The following PTGFR variants were observed in gnomAD, a reference collection of about 807,000 sequenced individuals.
PTGFR encodes prostaglandin F receptor.
PTGFR carries 15 observed loss-of-function variants against 26.2 expected under a neutral mutation model. The ratio of observed to expected loss-of-function variants is 0.57; its 90% confidence interval spans 0.38 to 0.88. PTGFR has a LOEUF of 0.88. Ranked by LOEUF, PTGFR falls within the 40% of genes least tolerant of loss-of-function variation. The pLI is 0.00. For missense variants in PTGFR, 369 were observed against 427.2 expected, an observed-to-expected ratio of 0.86 and a Z score of 1.20; for synonymous variants, 165 against 151.1, an observed-to-expected ratio of 1.09 and a Z score of -0.68.
At chr1:78,512,130 G>A (rs1369286858) in intron 2 of PTGFR, among the ~76,000 whole-genome samples, 2 of 152,124 alleles carry the variant, frequency 1.3e-5, no homozygotes, top group African/African-American at 4.8e-5. Context: ...TCTCTAACAA[G>A]TTTCTAACTT....
chr1:78,508,066 A>G (rs570256793), intron 2 of PTGFR, among the ~76,000 whole-genome samples: 2 of 152,166 alleles, frequency 1.3e-5, no homozygotes, highest in South Asian at 4.2e-4. Flanking sequence ...TACTTTTATT[A>G]CATTTTGCTT....
chr1:78,538,503 T>C lies in PTGFR; in HGVS notation c.*1816T>C, dbSNP rs1650712350. On this transcript the variant is annotated 3_prime_UTR_variant, in exon 3 of 3. Transcript: ENST00000370757. Reference sequence around the variant, plus strand: ...GTAACCAAATTGGTCTTAAAAATGATGTTAACCCAAGAAGTAGACATCAAA... The same window carrying C: ...GTAACCAAATTGGTCTTAAAAATGACGTTAACCCAAGAAGTAGACATCAAA... The C allele has an allele frequency of 6.6e-6, 1 of 150,940 alleles. No homozygotes were observed. Among genetic ancestry groups the C allele is most frequent in the South Asian group, 2.1e-4 (1 of 4,790 alleles). The allele number at this position is 150,940 out of a possible 1,614,324, so 9.4% of individuals were successfully genotyped here.
chr1:78,502,041 G>C (rs1475985800), intron 2 of PTGFR, among the ~76,000 whole-genome samples: 1 of 152,164 alleles, frequency 6.6e-6, no homozygotes, highest in Middle Eastern at 3.2e-3. Context: ...AGGATTGGTT[G>C]CAGTAGAAAG....
At chr1:78,508,104 T>A (rs910220850) in intron 2 of PTGFR, among the ~76,000 whole-genome samples, 13 of 152,160 alleles carry the variant, frequency 8.5e-5, no homozygotes, top group African/African-American at 3.1e-4. Flanking sequence ...TTAACCTGAT[T>A]TTTTTTAACC....
At chr1:78,518,075 T>C (rs577404140) in intron 2 of PTGFR, among the ~76,000 whole-genome samples, 1 of 152,254 alleles carries the variant, frequency 6.6e-6, no homozygotes, top group African/African-American at 2.4e-5. Flanking sequence ...CATGTACACC[T>C]ATGTAACAAA....
intron 2 of PTGFR, among the ~76,000 whole-genome samples, chr1:78,519,053 C>A (rs1277716519): frequency 1.3e-5 from 2 of 152,130 alleles, no homozygotes; most frequent in Non-Finnish European, 2.9e-5. Flanking sequence ...TAATTTGGCC[C>A]TGAAATTGCC....
At chr1:78,498,709 C>CACAA (rs202187163) in intron 2 of PTGFR, among the ~76,000 whole-genome samples, 5 of 152,168 alleles carry the variant, frequency 3.3e-5, no homozygotes, top group Admixed American at 1.3e-4. Context: ...CAAACAAACA[C>CACAA]ACAAACAAAC....
chr1:78,507,364 C>T (rs1649851283), intron 2 of PTGFR, among the ~76,000 whole-genome samples: 1 of 152,148 alleles, frequency 6.6e-6, no homozygotes, highest in African/African-American at 2.4e-5. Flanking sequence ...GTTTTTGGCA[C>T]AGAGTTTATA....
chr1:78,500,039 C>G (rs754006300), intron 2 of PTGFR, among the ~76,000 whole-genome samples: 1 of 151,466 alleles, frequency 6.6e-6, no homozygotes, highest in Non-Finnish European at 1.5e-5. Flanking sequence ...TTCTCTACAG[C>G]CACACATTTT....
At chr1:78,529,571 TG>T (rs1314123588) in intron 2 of PTGFR, among the ~76,000 whole-genome samples, 1 of 152,220 alleles carries the variant, frequency 6.6e-6, no homozygotes, top group Non-Finnish European at 1.5e-5. Flanking sequence ...ATTTTATAGA[TG>T]TGTTTTCTTC....
chr1:78,507,568 C>T (rs930356120), intron 2 of PTGFR, among the ~76,000 whole-genome samples: 4 of 152,084 alleles, frequency 2.6e-5, no homozygotes, highest in African/African-American at 9.7e-5. Flanking sequence ...ATTGTATTTG[C>T]AGAGCCTAAT....
chr1:78,508,525 T>C (rs1456154242), intron 2 of PTGFR, among the ~76,000 whole-genome samples: 1 of 152,178 alleles, frequency 6.6e-6, no homozygotes, highest in Non-Finnish European at 1.5e-5. Flanking sequence ...TAGGAATGAA[T>C]GTCACTGTCC....
intron 2 of PTGFR, among the ~76,000 whole-genome samples, chr1:78,497,400 C>T (rs1003273705): frequency 6.6e-6 from 1 of 152,078 alleles, no homozygotes; most frequent in African/African-American, 2.4e-5. Flanking sequence ...AATTGTCTCG[C>T]GTTCTTCCTA....
At chr1:78,515,033 C>T (rs140738000) in intron 2 of PTGFR, among the ~76,000 whole-genome samples, 109 of 152,108 alleles carry the variant, frequency 7.2e-4, no homozygotes, top group Admixed American at 2.2e-3. Context: ...TTATAAATTA[C>T]GCAGTTTCAG....
At chr1:78,535,811 C>T (rs1650636694) in intron 2 of PTGFR, among the ~76,000 whole-genome samples, 1 of 152,098 alleles carries the variant, frequency 6.6e-6, no homozygotes, top group South Asian at 2.1e-4. Context: ...AAACTCCTTT[C>T]CTCAAAGTCC....
In PTGFR at chr1:78,537,001, T is replaced by C. The variant is rs2100407733; in HGVS notation, c.*314T>C. The C allele has an allele frequency of 3.7e-6, 1 of 269,798 alleles. No individual in the cohort carries two copies. Among genetic ancestry groups the C allele is most frequent in the Middle Eastern group, 1.1e-3 (1 of 876 alleles). 16.7% of individuals were successfully genotyped at this position (269,798 alleles called of 1,614,324 possible). A position where few individuals can be genotyped will look rare whatever the true frequency, so the allele number is the denominator to read the frequency against. On this transcript the variant is annotated 3_prime_UTR_variant, in exon 3 of 3. Transcript: ENST00000370757. ...ATCTGTTGAGGTCTAATGCCTTTAC[T>C]TGGCCTATTTGCCAGAGAACATCTT...
chr1:78,493,274 T>C lies in PTGFR; in HGVS notation c.531T>C (p.Tyr177=). 2 of 1,614,212 alleles carry C rather than the reference T, an allele frequency of 1.2e-6. No individual in the cohort carries two copies. The highest frequency in any genetic ancestry group is 2.7e-5 in the African/African-American group (2 of 75,056). ...ALLPILGHRD[Y]KIQASRTWCF... The stretch of plus-strand genomic sequence containing the variant: ...TGCCCATCCTTGGACATCGAGACTA[T>C]AAAATTCAGGCGTCGAGGACCTGGT... Residue 177 remains tyrosine, a synonymous_variant, in exon 2 of 3, where the codon TAT becomes TAC. Transcript: ENST00000370757.
At chr1:78,501,411 T>C (rs1477987580) in intron 2 of PTGFR, among the ~76,000 whole-genome samples, 2 of 152,238 alleles carry the variant, frequency 1.3e-5, no homozygotes, top group African/African-American at 4.8e-5. Context: ...GATAAGTTTG[T>C]CTTGTGATAC....
rs1650761548 is a variant in PTGFR at position 78,540,185 on chromosome 1, A to ATTATATG, written c.*3499_*3500insTATATGT. ...GTGGCTGTTTCTCAAACTACAGAGC[A>ATTATATG]TGGTGAATCACACACAGGCTGTTAG... On this transcript the variant is annotated 3_prime_UTR_variant, in exon 3 of 3. Coordinates refer to ENST00000370757, the MANE Select transcript of PTGFR (RefSeq NM_000959.4). Among the ~76,000 whole-genome samples, 1 of 152,132 alleles carries ATTATATG rather than the reference A, an allele frequency of 6.6e-6. No individual in the cohort carries two copies.
Sources: allele counts gnomAD v4.1 joint callset (sites outside exome capture counted in the v4.1 genomes callset), GRCh38; gene constraint gnomAD v4.1.1; transcripts MANE v1.5; gene names NCBI Gene and HGNC (gene_info 2026-07-23, HGNC 2026-07-21).